The following ARHGEF4 variants were observed in gnomAD, a reference collection of about 807,000 sequenced individuals.
ARHGEF4 encodes the protein APC-stimulated guanine nucleotide exchange factor 1.
A neutral mutation model predicts 162.0 loss-of-function variants in ARHGEF4; 119 were observed. The ratio of observed to expected loss-of-function variants is 0.73; its 90% CI spans 0.63 to 0.86. ARHGEF4 has a LOEUF of 0.86. Among genes scored for constraint, ARHGEF4 ranks in the 40% least tolerant of loss-of-function variants. The pLI is 0.00. For synonymous variants in ARHGEF4, 1,014 were observed against 979.9 expected, an observed-to-expected ratio of 1.03 and a Z score of -0.65; for missense variants, 2,488 against 2,456.0, an observed-to-expected ratio of 1.01 and a Z score of -0.28.
In ARHGEF4 at chr2:130,916,106, A is replaced by C. The variant is rs537852488; in HGVS notation, c.2160A>C (p.Gln720His). ...AGCTTGGGAGAGTGCTGGTCCCCCA[A>C]GCTGCTTCGGAAGAGACGCCGAGCA... is the stretch of plus-strand genomic sequence containing the variant. ...AAELGRVLVP[Q>H]AASEETPSTE... The change falls in exon 2 of 14, where the codon CAA becomes CAC. Residue 720 changes from glutamine (Q) to histidine (H), a missense_variant. This residue lies in a region of ARHGEF4 where 1,642 missense variants were observed against 1,481.5 expected (regional missense o/e 1.11). Coordinates refer to ENST00000409359, the MANE Select transcript of ARHGEF4 (RefSeq NM_001367493.1). 61 of 1,549,966 alleles carry C rather than the reference A, an allele frequency of 3.9e-5. No individual in the cohort carries two copies. In the African/African-American group the frequency reaches 4.2e-4, roughly 11 times the overall value.
Position 130,972,316 on chromosome 2 carries a change from A to G in ARHGEF4, c.3985+25681A>G, listed in dbSNP as rs1685420645. ...AGCATAGTCTACTAAAGGCCTACTA[A>G]TGAGTTAAAGATACCTTGAAAGAAA... On this transcript the variant is annotated intron_variant, in intron 4 of 13. Transcript: ENST00000409359. Among the ~76,000 whole-genome samples, 3 of 152,218 alleles carry G rather than the reference A, an allele frequency of 2.0e-5. No homozygotes were observed. The South Asian group carries it at 6.2e-4, about 32-fold the overall frequency.
At chr2:130,986,204 G>A (rs1686487507) in intron 4 of ARHGEF4, among the ~76,000 whole-genome samples, 1 of 152,216 alleles carries the variant, frequency 6.6e-6, no homozygotes, top group Non-Finnish European at 1.5e-5. Flanking sequence ...CATAGGGTGT[G>A]TTGCATGTGT....
chr2:130,999,377 C>T (rs1050700220), intron 4 of ARHGEF4, among the ~76,000 whole-genome samples: 5 of 151,998 alleles, frequency 3.3e-5, no homozygotes, highest in Middle Eastern at 3.4e-3. Flanking sequence ...AGGATGGTCT[C>T]GATCTCCTGA....
intron 4 of ARHGEF4, among the ~76,000 whole-genome samples, chr2:130,947,759 C>T (rs1162008730): frequency 6.6e-6 from 1 of 152,200 alleles, no homozygotes; most frequent in Non-Finnish European, 1.5e-5. Context: ...TCCTCACACC[C>T]AACCCAGCAG....
chr2:130,844,544 A>G (rs1298172982), intron 1 of ARHGEF4, among the ~76,000 whole-genome samples: 1 of 152,074 alleles, frequency 6.6e-6, no homozygotes, highest in Non-Finnish European at 1.5e-5. Flanking sequence ...CCTGTGAACT[A>G]AAGATTGCCC....
intron 4 of ARHGEF4, among the ~76,000 whole-genome samples, chr2:131,000,856 A>G (rs1687712875): frequency 6.6e-6 from 1 of 152,238 alleles, no homozygotes; most frequent in Admixed American, 6.5e-5. Flanking sequence ...TGATAACATT[A>G]AAATGTAAAC....
At chr2:130,892,220 G>C (rs571847409) in intron 1 of ARHGEF4, among the ~76,000 whole-genome samples, 1 of 152,320 alleles carries the variant, frequency 6.6e-6, no homozygotes, top group East Asian at 1.9e-4. Context: ...TCAGTAGGAA[G>C]AGTGTTTGTG....
intron 2 of ARHGEF4, among the ~76,000 whole-genome samples, chr2:130,922,746 G>C (rs915034035): frequency 2.9e-5 from 4 of 139,092 alleles, no homozygotes; most frequent in African/African-American, 9.8e-5. Flanking sequence ...TAATTTAAAG[G>C]GCTCACATTC....
Position 131,040,063 on chromosome 2 carries a change from C to G in ARHGEF4, c.4353C>G (p.Ala1451=). ...DEPADDDAPL[A]GNSGAEDGGA... is the part of the protein sequence containing the mutation. ...CCGCGGATGACGACGCCCCTCTGGC[C>G]GGGAACAGCGGAGCGGAGGACGGCG... Residue 1451 remains alanine, a synonymous_variant, in exon 7 of 14, where the codon GCC becomes GCG. Coordinates refer to ENST00000409359, the MANE Select transcript of ARHGEF4 (RefSeq NM_001367493.1). The G allele has an allele frequency of 1.3e-6, 2 of 1,593,354 alleles. No individual in the cohort carries two copies. The highest frequency in any genetic ancestry group is 1.7e-6 in the Non-Finnish European group (2 of 1,170,642).
At position 130,983,416 on chromosome 2, in the gene ARHGEF4, GTT is replaced by G. The variant is rs546224630; in HGVS notation, c.3985+36784_3985+36785del. The stretch of plus-strand genomic sequence containing the variant: ...TCATTTTGTTTTGGCCAGCTTTATA[GTT>G]TTATAACCTTCCATGCCAAACCCTG... On this transcript the variant is annotated intron_variant, in intron 4 of 13. Coordinates refer to ENST00000409359, the MANE Select transcript of ARHGEF4 (RefSeq NM_001367493.1). Among the ~76,000 whole-genome samples, 7 of 152,268 alleles carry G rather than the reference GTT, an allele frequency of 4.6e-5. No individual in the cohort carries two copies. In the South Asian group the frequency reaches 1.4e-3, roughly 31 times the overall value.
intron 1 of ARHGEF4, among the ~76,000 whole-genome samples, chr2:130,886,117 A>C (rs977272768): frequency 1.3e-4 from 20 of 151,980 alleles, no homozygotes; most frequent in Non-Finnish European, 1.9e-4. Context: ...ACTGTGGGAA[A>C]TTATATTCAT....
intron 1 of ARHGEF4, among the ~76,000 whole-genome samples, chr2:130,863,906 G>A (rs1286445428): frequency 2.4e-4 from 29 of 120,636 alleles, no homozygotes; most frequent in Admixed American, 9.0e-4. Flanking sequence ...TGAGTTAGGC[G>A]GGGCACAGTG....
At chr2:130,986,191 G>A (rs1023730060) in intron 4 of ARHGEF4, among the ~76,000 whole-genome samples, 1 of 152,202 alleles carries the variant, frequency 6.6e-6, no homozygotes, top group African/African-American at 2.4e-5. Context: ...GTGCATGTGT[G>A]TGCATAGGGT....
intron 4 of ARHGEF4, among the ~76,000 whole-genome samples, chr2:130,954,550 A>T (rs72994188): frequency 0.052 from 7,931 of 152,332 alleles, 603 homozygotes; most frequent in African/African-American, 0.17. Flanking sequence ...AAGTATAATT[A>T]AAAAAATAAT....
At chr2:131,021,549 C>G (rs527747828) in intron 4 of ARHGEF4, among the ~76,000 whole-genome samples, 27 of 152,288 alleles carry the variant, frequency 1.8e-4, no homozygotes, top group Non-Finnish European at 3.4e-4. Flanking sequence ...CTAGGCATTA[C>G]CATTCAGGAC....
intron 3 of ARHGEF4, among the ~76,000 whole-genome samples, chr2:130,942,040 G>C (rs6721938): frequency 0.28 from 41,960 of 151,940 alleles, 7,743 homozygotes; most frequent in African/African-American, 0.53. Flanking sequence ...AAAAGGTTTG[G>C]AGGCCTAGAG....
intron 6 of ARHGEF4, chr2:131,039,520 C>T: frequency 9.7e-7 from 1 of 1,029,050 alleles, no homozygotes; most frequent in East Asian, 1.0e-4. Context: ...CTCCAAAAGG[C>T]CTGGCTCAGG....
chr2:130,859,452 TA>T (rs1681925589), intron 1 of ARHGEF4, among the ~76,000 whole-genome samples: 1 of 72,862 alleles, frequency 1.4e-5, no homozygotes, highest in African/African-American at 3.4e-5. Flanking sequence ...AGAATATACA[TA>T]AACAGTCCTT....
intron 1 of ARHGEF4, among the ~76,000 whole-genome samples, chr2:130,897,334 G>A (rs1322831888): frequency 1.3e-5 from 2 of 152,238 alleles, no homozygotes; most frequent in Admixed American, 1.3e-4. Flanking sequence ...TGGGCCTGTG[G>A]ATTCTGGGGT....
Sources: allele counts gnomAD v4.1 joint callset (sites outside exome capture counted in the v4.1 genomes callset), GRCh38; gene constraint gnomAD v4.1.1; regional missense constraint gnomAD v4.1.1; transcripts MANE v1.5; gene names NCBI Gene and HGNC (gene_info 2026-07-23, HGNC 2026-07-21).